Variants in CELF5 observed in about 807,000 individuals in gnomAD.
CELF5 encodes the protein CUG-BP and ETR-3 like factor 5.
In CELF5, 6 loss-of-function variants were observed where a neutral mutation model predicts 54.9. That is an observed-to-expected ratio of 0.11 (90% confidence interval 0.06 to 0.22). The LOEUF (loss-of-function observed/expected upper bound fraction) is 0.22, where lower values mean the gene tolerates loss of function less well. Ranked by LOEUF, CELF5 falls within the 10% of genes least tolerant of loss-of-function variation. The pLI is 1.00. For synonymous variants in CELF5, 271 were observed against 290.9 expected (o/e 0.93, Z 0.70); for missense variants, 401 against 678.6 (o/e 0.59, Z 4.54).
intron 1 of CELF5, among the ~76,000 whole-genome samples, chr19:3,234,914 G>A (rs1040416748): frequency 2.0e-5 from 3 of 151,734 alleles, no homozygotes; most frequent in Non-Finnish European, 2.9e-5. Context: ...TGTCCTCCCC[G>A]CAGCAGCCAC....
At chr19:3,249,076 G>A (rs772777363) in intron 1 of CELF5, among the ~76,000 whole-genome samples, 1 of 151,916 alleles carries the variant, frequency 6.6e-6, no homozygotes, top group Non-Finnish European at 1.5e-5. Flanking sequence ...CCCAGCTGGC[G>A]GGAGCGACCA....
At chr19:3,295,391 T>C (rs965217804) in intron 12 of CELF5, 1 of 151,956 alleles carries the variant, frequency 6.6e-6, no homozygotes, top group Non-Finnish European at 1.5e-5. Context: ...CTATAGACAG[T>C]ATATATATAT....
At chr19:3,239,533 GCTAA>G (rs1448681322) in intron 1 of CELF5, among the ~76,000 whole-genome samples, 2 of 150,424 alleles carry the variant, frequency 1.3e-5, no homozygotes, top group South Asian at 2.1e-4. Flanking sequence ...ATCATGCCCG[GCTAA>G]CTTTTTTTTT....
At chr19:3,235,886 A>G (rs1917578202) in intron 1 of CELF5, among the ~76,000 whole-genome samples, 1 of 151,144 alleles carries the variant, frequency 6.6e-6, no homozygotes, top group African/African-American at 2.4e-5. Context: ...GGTTGATTGG[A>G]TGATGGACAA....
chr19:3,226,922 C>CT (rs1916956139), intron 1 of CELF5, among the ~76,000 whole-genome samples: 2 of 152,048 alleles, frequency 1.3e-5, no homozygotes, highest in South Asian at 4.2e-4. Context: ...ATCCCCAGTT[C>CT]TTTTTTTACA....
intron 4 of CELF5, among the ~76,000 whole-genome samples, chr19:3,277,136 A>T (rs1490551869): frequency 6.6e-6 from 1 of 152,114 alleles, no homozygotes; most frequent in Non-Finnish European, 1.5e-5. Flanking sequence ...ACCTTACTAG[A>T]ACTGAATGTG....
intron 1 of CELF5, 89 bp from the exon 2 acceptor site, chr19:3,250,896 G>T (rs1398490079): frequency 1.2e-5 from 10 of 823,166 alleles, no homozygotes; most frequent in African/African-American, 3.4e-5. Flanking sequence ...AGCTTGGGTT[G>T]CTTCCACCTA....
At chr19:3,232,056 C>A (rs1487011231) in intron 1 of CELF5, among the ~76,000 whole-genome samples, 3 of 151,820 alleles carry the variant, frequency 2.0e-5, no homozygotes, top group Admixed American at 2.0e-4. Context: ...CTTCCTCAAC[C>A]TTTACTACCT....
chr19:3,233,318 C>G, intron 1 of CELF5, among the ~76,000 whole-genome samples: 1 of 152,096 alleles, frequency 6.6e-6, no homozygotes, highest in East Asian at 1.9e-4. Context: ...TTTATTAAGT[C>G]TGTATTGTGT....
intron 1 of CELF5, among the ~76,000 whole-genome samples, chr19:3,234,596 AC>A (rs1917431506): frequency 6.6e-6 from 1 of 151,848 alleles, no homozygotes. Flanking sequence ...AAGCTGAGAA[AC>A]CCTGGTCCAG....
At chr19:3,265,182 A>G (rs905230753) in intron 2 of CELF5, among the ~76,000 whole-genome samples, 2 of 152,132 alleles carry the variant, frequency 1.3e-5, no homozygotes, top group Non-Finnish European at 1.5e-5. Flanking sequence ...ACAAAAAAAT[A>G]AGAAAACTAG....
intron 12 of CELF5, chr19:3,294,098 G>T (rs563810592): frequency 6.6e-6 from 1 of 152,158 alleles, no homozygotes; most frequent in African/African-American, 2.4e-5. Context: ...ATGGAAAAGT[G>T]GGATTCGTGC....
rs954766375 is a variant in CELF5, at chr19:3,296,795, C to T, written c.*78C>T. The stretch of plus-strand genomic sequence containing the variant: ...TGTACAATGTACTTTATTTCTGCTA[C>T]GAGTAATTTCATGAAGTTTCAACTT... On this transcript the variant is annotated 3_prime_UTR_variant, in exon 13 of 13. Transcript: ENST00000292672. 5 of 152,148 alleles carry T rather than the reference C, an allele frequency of 3.3e-5. No homozygotes were observed. The South Asian group carries it at 6.2e-4, about 19-fold the overall frequency. 9.4% of individuals were successfully genotyped at this position (152,148 alleles called of 1,614,324 possible). A position where few individuals can be genotyped will look rare whatever the true frequency, so the allele number is the denominator to read the frequency against.
chr19:3,253,116 A>G (rs924548842), intron 2 of CELF5, among the ~76,000 whole-genome samples: 6 of 152,038 alleles, frequency 3.9e-5, no homozygotes, highest in African/African-American at 1.4e-4. Context: ...AAAAAAAGAA[A>G]GAAAGAAATC....
At chr19:3,292,193 C>A (rs970499792) in intron 11 of CELF5, among the ~76,000 whole-genome samples, 1 of 151,846 alleles carries the variant, frequency 6.6e-6, no homozygotes, top group African/African-American at 2.4e-5. Context: ...GTGATCCACC[C>A]GCCTCGGCCT....
At chr19:3,258,926 G>A (rs186383330) in intron 2 of CELF5, among the ~76,000 whole-genome samples, 3 of 152,172 alleles carry the variant, frequency 2.0e-5, no homozygotes, top group Non-Finnish European at 4.4e-5. Context: ...TTATCTTTTG[G>A]GGAGCCACCA....
chr19:3,293,273 G>A, intron 11 of CELF5, 46 bp from the exon 12 acceptor site: 1 of 1,609,684 alleles, frequency 6.2e-7, no homozygotes, highest in Non-Finnish European at 8.5e-7. Context: ...AACAAGCCGA[G>A]GACACCCGCA....
intron 1 of CELF5, among the ~76,000 whole-genome samples, chr19:3,244,896 A>ATG: frequency 9.4e-6 from 1 of 106,606 alleles, no homozygotes; most frequent in East Asian, 3.0e-4. Context: ...GTCTGCATAT[A>ATG]TGTGTGTGTG....
chr19:3,294,778 G>A (rs528956772), intron 12 of CELF5: 1 of 152,364 alleles, frequency 6.6e-6, no homozygotes, highest in Admixed American at 6.5e-5. Flanking sequence ...AGGGGGTAGG[G>A]AAGGAGAGAC....
Sources: allele counts gnomAD v4.1 joint callset (sites outside exome capture counted in the v4.1 genomes callset), GRCh38; gene constraint gnomAD v4.1.1; transcripts MANE v1.5; gene names NCBI Gene and HGNC (gene_info 2026-07-23, HGNC 2026-07-21).